Variants in SLC11A2 observed in about 807,000 individuals in gnomAD.
SLC11A2 encodes solute carrier family 11 member 2, also known as natural resistance-associated macrophage protein 2.
Under a neutral mutation model 68.0 loss-of-function variants are expected in SLC11A2, and 38 were observed. The ratio of observed to expected loss-of-function variants is 0.56; its 90% CI spans 0.43 to 0.73. SLC11A2 has a LOEUF of 0.73. Ranked by LOEUF, SLC11A2 falls within the 30% of genes least tolerant of loss-of-function variation. The pLI, the probability that SLC11A2 is intolerant of heterozygous loss-of-function variation, is 0.00. For synonymous variants in SLC11A2, 242 were observed against 250.6 expected, an observed-to-expected ratio of 0.97 and a Z score of 0.32; for missense variants, 517 against 690.5, an observed-to-expected ratio of 0.75 and a Z score of 2.82.
intron 1 of SLC11A2, among the ~76,000 whole-genome samples, chr12:51,021,035 G>A (rs182950569): frequency 1.1e-3 from 165 of 152,234 alleles, no homozygotes; most frequent in African/African-American, 3.8e-3. Context: ...AAGCTGCAGC[G>A]AACCATGATT....
intron 11 of SLC11A2, among the ~76,000 whole-genome samples, chr12:50,993,594 G>C (rs564916605): frequency 9.9e-5 from 13 of 130,990 alleles, no homozygotes; most frequent in Admixed American, 8.9e-4. Flanking sequence ...GGGAGGCCGA[G>C]GGGGGGGTGG....
the SLC11A2 span, among the ~76,000 whole-genome samples, chr12:50,972,849 G>A: frequency 9.2e-5 from 14 of 152,298 alleles, no homozygotes; most frequent in East Asian, 7.7e-4. Context: ...ATTATATCCC[G>A]CGCATGGCTC....
chr12:50,990,508 T>G (rs147947305), intron 15 of SLC11A2: 3 of 326,392 alleles, frequency 9.2e-6, no homozygotes, highest in Admixed American at 4.5e-5. Flanking sequence ...AACAGCTGAT[T>G]TGACAATTCC....
chr12:51,017,855 T>A (rs1943768156), intron 1 of SLC11A2, among the ~76,000 whole-genome samples: 1 of 152,170 alleles, frequency 6.6e-6, no homozygotes, highest in African/African-American at 2.4e-5. Flanking sequence ...TTGGCTTAAG[T>A]GGCTTCTCCG....
chr12:50,992,727 T>C, intron 12 of SLC11A2, 83 bp downstream of exon 12: 1 of 1,333,496 alleles, frequency 7.5e-7, no homozygotes, highest in East Asian at 2.4e-5. Flanking sequence ...TGAGACTCCA[T>C]CTCAAAAAAA....
chr12:51,023,685 C>A (rs1244683891), intron 1 of SLC11A2, among the ~76,000 whole-genome samples: 1 of 152,144 alleles, frequency 6.6e-6, no homozygotes, highest in Admixed American at 6.6e-5. Flanking sequence ...CAGGGAAAAA[C>A]AGATTACAAA....
In SLC11A2 at chr12:50,997,679, C is replaced by CAAAA. The variant is rs35477132; in HGVS notation, c.676-711_676-708dup. ...TAGGCAATAGTGTGAGACTCTGTCTCAAAAAAAAAAAAAAAAAAAAAAAAA... is the reference window on the plus strand; with the variant it reads ...TAGGCAATAGTGTGAGACTCTGTCTCAAAAAAAAAAAAAAAAAAAAAAAAAAAAA... On this transcript the variant is annotated intron_variant, in intron 8 of 15. Transcript: ENST00000262052. Among the ~76,000 whole-genome samples the CAAAA allele has an allele frequency of 1.0e-3, 45 of 44,972 alleles. 12 individuals are homozygous for CAAAA. Among genetic ancestry groups the CAAAA allele is most frequent in the African/African-American group, 2.6e-3 (22 of 8,400 alleles). 29.5% of individuals were successfully genotyped at this position (44,972 alleles called of 152,430 possible).
At chr12:50,976,784 A>T (rs1939854592), downstream of SLC11A2, among the ~76,000 whole-genome samples, 1 of 152,262 alleles carries the variant, frequency 6.6e-6, no homozygotes, top group Non-Finnish European at 1.5e-5. Flanking sequence ...GTGATAAGCA[A>T]CTTCAGCAAA....
chr12:51,014,589 C>T (rs902444737), intron 1 of SLC11A2, among the ~76,000 whole-genome samples: 6 of 152,336 alleles, frequency 3.9e-5, no homozygotes, highest in African/African-American at 1.4e-4. Flanking sequence ...CGGTGGCTCA[C>T]GTCTCTAATC....
chr12:50,992,501 C>A (rs899090841), intron 12 of SLC11A2, among the ~76,000 whole-genome samples, 162 bp from the exon 13 acceptor site: 2 of 151,864 alleles, frequency 1.3e-5, no homozygotes, highest in African/African-American at 2.4e-5. Context: ...GAGGCCAAGG[C>A]GGGTAGATCA....
chr12:50,994,960 G>C (rs1941562790), intron 10 of SLC11A2: 1 of 342,426 alleles, frequency 2.9e-6, no homozygotes. Flanking sequence ...AGAATCCTCA[G>C]TCAAAGCAGA....
chr12:51,013,615 C>G (rs1182916257), intron 1 of SLC11A2, among the ~76,000 whole-genome samples: 1 of 151,862 alleles, frequency 6.6e-6, no homozygotes, highest in African/African-American at 2.4e-5. Flanking sequence ...TAGTGCATGT[C>G]TGTGGTGCCA....
downstream of SLC11A2, chr12:50,980,974 G>C (rs1418663459): frequency 6.6e-6 from 1 of 152,172 alleles, no homozygotes; most frequent in East Asian, 1.9e-4. Context: ...TGTGGTTTCT[G>C]GATCTTGTTA....
chr12:51,016,262 G>A (rs1943641698), intron 1 of SLC11A2, among the ~76,000 whole-genome samples: 1 of 152,080 alleles, frequency 6.6e-6, no homozygotes, highest in African/African-American at 2.4e-5. Flanking sequence ...TTAGCTAGGT[G>A]GAGGCCGGAC....
upstream of SLC11A2, among the ~76,000 whole-genome samples, chr12:51,027,937 T>C (rs1231553301): frequency 1.3e-5 from 2 of 151,298 alleles, no homozygotes; most frequent in Admixed American, 6.6e-5. Flanking sequence ...GGGCTTGGCT[T>C]CCTGGAGCAG....
downstream of SLC11A2, among the ~76,000 whole-genome samples, chr12:50,983,380 A>G (rs1940238413): frequency 6.6e-6 from 1 of 152,216 alleles, no homozygotes; most frequent in Non-Finnish European, 1.5e-5. Context: ...TGCAGACTAT[A>G]AATTTATTGG....
chr12:51,015,070 G>A (rs1178013129), intron 1 of SLC11A2, among the ~76,000 whole-genome samples: 1 of 151,918 alleles, frequency 6.6e-6, no homozygotes, highest in African/African-American at 2.4e-5. Flanking sequence ...TAAAGCGGGA[G>A]AATCGCTTGA....
chr12:50,998,770 A>G (rs1234127016), intron 8 of SLC11A2, among the ~76,000 whole-genome samples: 1 of 152,206 alleles, frequency 6.6e-6, no homozygotes, highest in African/African-American at 2.4e-5. Context: ...CTGTTTTAAT[A>G]TTGGGAAAGT....
At chr12:51,011,168 G>A (rs1037806417) in intron 1 of SLC11A2, among the ~76,000 whole-genome samples, 7 of 149,886 alleles carry the variant, frequency 4.7e-5, no homozygotes, top group Middle Eastern at 3.4e-3. Flanking sequence ...TTGCTCTGTC[G>A]CCCAGGCTGG....
Sources: allele counts gnomAD v4.1 joint callset (sites outside exome capture counted in the v4.1 genomes callset), GRCh38; gene constraint gnomAD v4.1.1; transcripts MANE v1.5; gene names NCBI Gene and HGNC (gene_info 2026-07-23, HGNC 2026-07-21).